KALRN: variants seen among roughly 807,000 people sequenced by gnomAD.
KALRN encodes the protein kalirin.
In KALRN, 70 loss-of-function variants were observed where a neutral mutation model predicts 353.7. The observed-to-expected ratio is 0.20, with a 90% CI of 0.16 to 0.24. The LOEUF is 0.24. Among genes scored for constraint, KALRN ranks in the 10% least tolerant of loss-of-function variants. The pLI, the probability that KALRN is intolerant of heterozygous loss-of-function variation, is 1.00. For missense variants in KALRN, 2,791 were observed against 3,756.7 expected (o/e 0.74, Z 6.72); for synonymous variants, 1,391 against 1,434.8 (o/e 0.97, Z 0.69).
chr3:124,397,844 C>T (rs2090358638), intron 12 of KALRN, among the ~76,000 whole-genome samples: 1 of 152,162 alleles, frequency 6.6e-6, no homozygotes. Context: ...GTTGGTTGTC[C>T]CAGCTTCTTA....
chr3:124,681,202 A>G (rs1283035211), intron 51 of KALRN, among the ~76,000 whole-genome samples: 1 of 152,236 alleles, frequency 6.6e-6, no homozygotes, highest in Admixed American at 6.5e-5. Flanking sequence ...GGGGAGCAGC[A>G]CACATTAAGA....
At chr3:124,384,602 T>C in intron 10 of KALRN, 1 of 404,624 alleles carries the variant, frequency 2.5e-6, no homozygotes, top group South Asian at 6.0e-5. Flanking sequence ...CCCACTTCTT[T>C]CCAGGGACAC....
intron 33 of KALRN, among the ~76,000 whole-genome samples, chr3:124,533,246 A>T (rs1222879394): frequency 6.6e-6 from 1 of 152,056 alleles, no homozygotes; most frequent in Non-Finnish European, 1.5e-5. Flanking sequence ...AATAAAAAAT[A>T]ATTTAAAAAT....
intron 25 of KALRN, among the ~76,000 whole-genome samples, chr3:124,465,331 A>C (rs1331226813): frequency 6.6e-6 from 1 of 152,190 alleles, no homozygotes; most frequent in East Asian, 1.9e-4. Context: ...TTCACTGCAT[A>C]ATCAGGTACC....
intron 10 of KALRN, among the ~76,000 whole-genome samples, chr3:124,362,961 C>A (rs935780064): frequency 1.3e-5 from 2 of 152,174 alleles, no homozygotes; most frequent in Non-Finnish European, 2.9e-5. Context: ...CTGTAGCTGT[C>A]ACTCTGATGA....
chr3:124,120,378 C>T (rs1272153589), intron 1 of KALRN, among the ~76,000 whole-genome samples: 1 of 152,134 alleles, frequency 6.6e-6, no homozygotes, highest in Non-Finnish European at 1.5e-5. Context: ...GGTAAATCCC[C>T]ACAGATGAAA....
chr3:124,560,684 C>T (rs1405133571), intron 33 of KALRN, among the ~76,000 whole-genome samples: 2 of 152,068 alleles, frequency 1.3e-5, no homozygotes, highest in Admixed American at 6.6e-5. Flanking sequence ...GAGACCATGT[C>T]GCTACAAAAA....
intron 1 of KALRN, among the ~76,000 whole-genome samples, chr3:124,114,786 C>A (rs1311730943): frequency 6.6e-6 from 1 of 152,180 alleles, no homozygotes; most frequent in Non-Finnish European, 1.5e-5. Context: ...GGAAGAAGAT[C>A]AGGCCAAAGC....
intron 1 of KALRN, among the ~76,000 whole-genome samples, chr3:124,178,380 CCA>C (rs1461769700): frequency 6.6e-6 from 1 of 152,124 alleles, no homozygotes; most frequent in Non-Finnish European, 1.5e-5. Flanking sequence ...TAGTCATGTG[CCA>C]CTTAGTGAAC....
intron 33 of KALRN, among the ~76,000 whole-genome samples, chr3:124,531,746 A>T (rs761524041): frequency 2.6e-5 from 4 of 151,990 alleles, no homozygotes; most frequent in Non-Finnish European, 5.9e-5. Flanking sequence ...CATGAGAAAC[A>T]CCTCCCTGAT....
At chr3:124,702,294 T>G (rs1279556031) in intron 57 of KALRN, among the ~76,000 whole-genome samples, 178 bp downstream of exon 57, 1 of 152,216 alleles carries the variant, frequency 6.6e-6, no homozygotes, top group Non-Finnish European at 1.5e-5. Flanking sequence ...ACTTCTTAAG[T>G]TGGATGCTTC....
chr3:124,403,947 A>G (rs528913703), intron 13 of KALRN, among the ~76,000 whole-genome samples: 1 of 152,282 alleles, frequency 6.6e-6, no homozygotes, highest in African/African-American at 2.4e-5. Flanking sequence ...GGGTTTCCCA[A>G]TGAGGTTACA....
At chr3:124,552,068 T>C (rs573179685) in intron 33 of KALRN, among the ~76,000 whole-genome samples, 1 of 152,236 alleles carries the variant, frequency 6.6e-6, no homozygotes, top group East Asian at 1.9e-4. Flanking sequence ...GTCTATGAAA[T>C]AGTTTATAAA....
intron 33 of KALRN, among the ~76,000 whole-genome samples, chr3:124,539,955 G>T (rs1386106462): frequency 6.6e-6 from 1 of 151,638 alleles, no homozygotes; most frequent in African/African-American, 2.4e-5. Flanking sequence ...TGTCACCCAG[G>T]CTGGAGTGCA....
intron 1 of KALRN, among the ~76,000 whole-genome samples, chr3:124,158,282 C>A (rs1019760318): frequency 6.6e-6 from 1 of 152,160 alleles, no homozygotes; most frequent in African/African-American, 2.4e-5. Context: ...TAGATGGGAA[C>A]ATTGTGGAAG....
Position 124,638,757 on chromosome 3 carries a change from T to TG in KALRN, c.5664+1461dup, listed in dbSNP as rs3836301. On this transcript the variant is annotated intron_variant, in intron 37 of 59. Transcript: ENST00000682506. ...TGGCTACATAAGCAGTGGTCTCCAA[T>TG]GGGGGGGTGCCCTCAGGTACATAAG... Among the ~76,000 whole-genome samples the TG allele has an allele frequency of 3.6e-3, 534 of 150,120 alleles. 1 individual carries two copies. Among genetic ancestry groups the TG allele is most frequent in the Non-Finnish European group, 3.4e-3 (230 of 67,110 alleles).
intron 1 of KALRN, among the ~76,000 whole-genome samples, chr3:124,158,577 A>G (rs2069376804): frequency 1.3e-5 from 2 of 152,088 alleles, no homozygotes; most frequent in Non-Finnish European, 2.9e-5. Context: ...ATGCAAAGGG[A>G]TCTCCATTCC....
chr3:124,197,658 G>A (rs912541292), intron 1 of KALRN, among the ~76,000 whole-genome samples: 5 of 152,170 alleles, frequency 3.3e-5, no homozygotes, highest in African/African-American at 1.2e-4. Flanking sequence ...GTTTCCAAGG[G>A]GCTGCCACTT....
intron 1 of KALRN, among the ~76,000 whole-genome samples, chr3:124,115,886 A>G (rs976702099): frequency 6.6e-6 from 1 of 152,230 alleles, no homozygotes; most frequent in Admixed American, 6.5e-5. Context: ...GGTTCCAGGA[A>G]CATTTCTCAC....
Sources: allele counts gnomAD v4.1 joint callset (sites outside exome capture counted in the v4.1 genomes callset), GRCh38; gene constraint gnomAD v4.1.1; transcripts MANE v1.5; gene names NCBI Gene and HGNC (gene_info 2026-07-23, HGNC 2026-07-21).